Variants in FASN observed in about 807,000 individuals in gnomAD.
The protein encoded by FASN is 3-hydroxyacyl-[acyl-carrier-protein] dehydratase.
Under a neutral mutation model 250.0 loss-of-function variants are expected in FASN, and 50 were observed. That is an observed-to-expected ratio of 0.20 (90% CI 0.16 to 0.25). FASN has a LOEUF of 0.25. FASN is among the 10% of genes least tolerant of loss of function. The pLI is 1.00. For missense variants in FASN, 3,031 were observed against 3,498.5 expected, an observed-to-expected ratio of 0.87 and a Z score of 3.37; for synonymous variants, 1,909 against 1,584.0, an observed-to-expected ratio of 1.21 and a Z score of -4.87.
chr17:82,086,262 C>T lies in FASN; in HGVS notation c.3724G>A (p.Val1242Met). 8 of 1,567,548 alleles carry T rather than the reference C, an allele frequency of 5.1e-6. No homozygotes were observed. Among genetic ancestry groups the T allele is most frequent in the South Asian group, 1.2e-5 (1 of 86,744 alleles). The change falls in exon 22 of 43, where the codon GTG (valine) becomes ATG (methionine). Residue 1242 changes from valine (V) to methionine (M), a missense_variant. Val to Met is a conservative substitution (Grantham distance 21, BLOSUM62 1). Coordinates refer to ENST00000306749, the MANE Select transcript of FASN (RefSeq NM_004104.5). ...GCCCAGGAGGCACCCACCTCCACCA[C>T]CTTCATCTTCAGGCTGGGCATGTTC... The part of the protein sequence containing the change: ...VENMPSLKMK[V>M]VEVLAGHGHL...
chr17:82,092,341 G>T, intron 8 of FASN, 114 bp downstream of exon 8: 1 of 1,146,394 alleles, frequency 8.7e-7, no homozygotes, highest in Non-Finnish European at 1.3e-6. Context: ...GAGGCTCCTG[G>T]TGGGGAAGCC....
At position 82,082,903 on chromosome 17, in the gene FASN, T is replaced by G; in HGVS notation, c.5767+11A>C. ...GCCCAGGCTGGTCCACAAGCACCCC[T>G]GCCGACTCACCTGTCCGGATCCCGG... On this transcript the variant is annotated intron_variant, in intron 33 of 42. Transcript: ENST00000306749. 1 of 1,612,524 alleles carries G rather than the reference T, an allele frequency of 6.2e-7. No individual in the cohort carries two copies. Among genetic ancestry groups the G allele is most frequent in the Non-Finnish European group, 8.5e-7 (1 of 1,179,872 alleles).
Position 82,084,039 on chromosome 17 carries a change from G to A in FASN, c.5034C>T (p.Gly1678=), listed in dbSNP as rs371830816. 195 of 1,542,000 alleles carry A rather than the reference G, an allele frequency of 1.3e-4. No homozygotes were observed. In the African/African-American group the frequency reaches 2.1e-3, roughly 16 times the overall value. The part of the protein sequence containing the change: ...GETLLIHSGS[G]GVGQAAIAIA... ...TGGCGATGGCGGCCTGGCCCACGCC[G>A]CCCGAGCCCGAGTGGATGAGCAGCG... is the stretch of plus-strand genomic sequence containing the variant. Residue 1678 remains glycine, a synonymous_variant, in exon 29 of 43, where the codon GGC becomes GGT. Coordinates refer to ENST00000306749, the MANE Select transcript of FASN (RefSeq NM_004104.5).
At chr17:82,089,547 G>C in intron 12 of FASN, 85 bp downstream of exon 12, 1 of 1,542,790 alleles carries the variant, frequency 6.5e-7, no homozygotes, top group East Asian at 2.4e-5. Context: ...GCTTGGTGGG[G>C]CGTAGACCGT....
Position 82,079,070 on chromosome 17 carries a change from T to C in FASN, c.*73A>G. 3 of 1,409,884 alleles carry C rather than the reference T, an allele frequency of 2.1e-6. No homozygotes were observed. The highest frequency in any genetic ancestry group is 2.3e-5 in the Admixed American group (1 of 42,634). The allele number at this position is 1,409,884 out of a possible 1,614,324, so 87.3% of individuals were successfully genotyped here. ...CCACCGGCAGGACCCTTCAATCCCG[T>C]TGCATGGCGGGGGTGGGGTGGGGTG... On this transcript the variant is annotated 3_prime_UTR_variant, in exon 43 of 43. Transcript: ENST00000306749.
chr17:82,087,428 G>A lies in FASN; in HGVS notation c.3120C>T (p.Gly1040=), dbSNP rs377574202. ...MDTMLQMSIL[G]SAKHGLYLPT... ...GCAGGTACAGGCCGTGCTTGGCCGA[G>A]CCCAGGATGGACATCTGCAGCATGG... The change falls in exon 20 of 43, where the codon GGC becomes GGT. Residue 1040 remains glycine (G), a synonymous_variant. Coordinates refer to ENST00000306749, the MANE Select transcript of FASN (RefSeq NM_004104.5). The A allele has an allele frequency of 1.9e-5, 30 of 1,612,524 alleles. No homozygotes were observed. Among genetic ancestry groups the A allele is most frequent in the Non-Finnish European group, 2.5e-5 (29 of 1,179,996 alleles).
intron 20 of FASN, 25 bp downstream of exon 20, chr17:82,087,300 T>A (rs1230356453): frequency 6.3e-7 from 1 of 1,594,180 alleles, no homozygotes; most frequent in Non-Finnish European, 8.5e-7. Context: ...GTGGGGGCAC[T>A]GGGCTGGGGC....
chr17:82,093,139 C>T (rs2144807398), intron 5 of FASN, 80 bp downstream of exon 5: 3 of 1,544,050 alleles, frequency 1.9e-6, no homozygotes, highest in East Asian at 2.4e-5. Flanking sequence ...CTGGCAGGAT[C>T]CTGCTCAGCG....
chr17:82,088,091 G>A lies in FASN; in HGVS notation c.2785+25C>T, dbSNP rs200744307. ...CAGCACCCGCCCCCCAGCTACCCCCGCCTTGGTCCTGGGGTACCCCTCACC... is the reference window on the plus strand; with the variant it reads ...CAGCACCCGCCCCCCAGCTACCCCCACCTTGGTCCTGGGGTACCCCTCACC... On this transcript the variant is annotated intron_variant, in intron 17 of 42. Transcript: ENST00000306749. 7.3e-5 allele frequency: 118 copies of A among 1,612,682 alleles called. No homozygotes were observed. The African/African-American group carries it at 1.3e-3, about 18-fold the overall frequency.
In FASN at chr17:82,091,282, C is replaced by A; in HGVS notation, c.1432G>T (p.Gly478Cys). Residue 478 changes from glycine to cysteine, a missense_variant, in exon 9 of 43, where the codon GGT becomes TGT. Gly to Cys is a radical substitution (Grantham distance 159). Coordinates refer to ENST00000306749, the MANE Select transcript of FASN (RefSeq NM_004104.5). ...RGYAVLGGERGGPEVQQVPAG... is the reference protein window; with the variant it reads ...RGYAVLGGERCGPEVQQVPAG... The stretch of plus-strand genomic sequence containing the variant: ...GGCACCTGCTGCACCTCTGGGCCAC[C>A]GCGCTCACCACCCAGCACAGCGTAG... 1 of 1,607,660 alleles carries A rather than the reference C, an allele frequency of 6.2e-7. No homozygotes were observed.
chr17:82,090,376 C>A lies in FASN; in HGVS notation c.1869G>T (p.Val623=), dbSNP rs1022266336. ...TGGGGGCCCCTCCGGGAGACCTACCCACGGCTGCCATGGCGCCCGGCGGGA... is the reference window on the plus strand; with the variant it reads ...TGGGGGCCCCTCCGGGAGACCTACCAACGGCTGCCATGGCGCCCGGCGGGA... ...AHLPPGAMAA[V]GLSWEECKQR... Residue 623 remains valine (V), a splice_region_variant and synonymous_variant, in exon 11 of 43, where the codon GTG becomes GTT. Coordinates refer to ENST00000306749, the MANE Select transcript of FASN (RefSeq NM_004104.5). 1 of 1,584,062 alleles carries A rather than the reference C, an allele frequency of 6.3e-7. No homozygotes were observed. Among genetic ancestry groups the A allele is most frequent in the African/African-American group, 1.3e-5 (1 of 74,692 alleles).
rs914116700 is a variant in FASN at position 82,098,146 on chromosome 17, G to C, written c.-33C>G. ...CTGGTGAGGGCGCGGGCGGCGGTGC[G>C]GGCGGCGGAGAGCGAGGCTGGAGCG... On this transcript the variant is annotated 5_prime_UTR_variant, in exon 1 of 43. Coordinates refer to ENST00000306749, the MANE Select transcript of FASN (RefSeq NM_004104.5). 1.1e-5 allele frequency: 4 copies of C among 353,316 alleles called. No individual in the cohort carries two copies. Among genetic ancestry groups the C allele is most frequent in the African/African-American group, 2.1e-5 (1 of 46,782 alleles). 21.9% of individuals were successfully genotyped at this position (353,316 alleles called of 1,614,324 possible).
intron 28 of FASN, 38 bp from the exon 29 acceptor site, chr17:82,084,191 G>A (rs369186920): frequency 8.0e-5 from 129 of 1,608,084 alleles, no homozygotes; most frequent in African/African-American, 2.4e-4. Context: ...AGGCCTGGCC[G>A]CCATCCACGT....
rs1318138590 is a variant in FASN at position 82,083,908 on chromosome 17, G to A, written c.5099-17C>T. ...CAGCCGACCCTGGTGAAGAGAGGAA[G>A]CGCGGCTGGTGAGCCAGGGCGGCGG... On this transcript the variant is annotated splice_polypyrimidine_tract_variant and intron_variant, in intron 29 of 42. Coordinates refer to ENST00000306749, the MANE Select transcript of FASN (RefSeq NM_004104.5). 1 of 1,557,154 alleles carries A rather than the reference G, an allele frequency of 6.4e-7. No homozygotes were observed. The highest frequency in any genetic ancestry group is 2.4e-5 in the East Asian group (1 of 42,152).
rs2033980793 is a variant in FASN, at chr17:82,081,178, G to A, written c.6581C>T (p.Ala2194Val). ...LRKLQELSSK[A>V]DEASELACPT... ...CCCACACGCACCGCTGGCCTCATCC[G>A]CCTTTGAGGACAGCTCCTGCAGTTT... is the stretch of plus-strand genomic sequence containing the variant. Residue 2194 changes from alanine (A) to valine (V), a missense_variant, in exon 38 of 43, where the codon GCG (alanine) becomes GTG (valine). Coordinates refer to ENST00000306749, the MANE Select transcript of FASN (RefSeq NM_004104.5). The A allele has an allele frequency of 8.8e-6, 14 of 1,587,472 alleles. No individual in the cohort carries two copies. The highest frequency in any genetic ancestry group is 1.7e-4 in the Middle Eastern group (1 of 5,892).
rs1404273964 is a variant in FASN, at chr17:82,084,930, C to T, written c.4433G>A (p.Ser1478Asn). The change falls in exon 26 of 43, where the codon AGC (serine) becomes AAC (asparagine). Residue 1478 changes from serine (S) to asparagine (N), a missense_variant. Coordinates refer to ENST00000306749, the MANE Select transcript of FASN (RefSeq NM_004104.5). ...RLRCVLLSNL[S>N]STSHVPEVDP... is the part of the protein sequence containing the mutation. ...CACCTCCGGGACGTGGGAGGTGCTG[C>T]TGAGGTTGGAGAGCAGCACACACCT... 6.4e-7 allele frequency: 1 copy of T among 1,554,822 alleles called. No individual in the cohort carries two copies. The highest frequency in any genetic ancestry group is 1.9e-5 in the Admixed American group (1 of 51,340).
rs769124217 is a variant in FASN at position 82,085,387 on chromosome 17, G to A, written c.4138C>T (p.Leu1380Phe). The change falls in exon 24 of 43, where the codon CTC becomes TTC. Residue 1380 changes from leucine to phenylalanine, a missense_variant. Coordinates refer to ENST00000306749, the MANE Select transcript of FASN (RefSeq NM_004104.5). The part of the protein sequence containing the change: ...GILSQDAWES[L>F]FSRVSLRLVG... ...AGGCGCAGCGACACCCTGGAGAAGA[G>A]GCTCTCCCACGCGTCCTGTGGGGGC... 5.0e-5 allele frequency: 80 copies of A among 1,611,124 alleles called. No individual in the cohort carries two copies. The highest frequency in any genetic ancestry group is 6.2e-5 in the Non-Finnish European group (73 of 1,179,416).
chr17:82,083,147 A>G, intron 32 of FASN, 32 bp from the exon 33 acceptor site: 1 of 1,610,668 alleles, frequency 6.2e-7, no homozygotes. Flanking sequence ...CGGCTCAGGC[A>G]CTGCCTGGGG....
At position 82,081,001 on chromosome 17, in the gene FASN, G is replaced by A. The variant is rs903039353; in HGVS notation, c.6596-79C>T. 7 of 1,425,014 alleles carry A rather than the reference G, an allele frequency of 4.9e-6. No homozygotes were observed. The East Asian group carries it at 9.8e-5, about 20-fold the overall frequency. 88.3% of individuals were successfully genotyped at this position (1,425,014 alleles called of 1,614,324 possible). A position where few individuals can be genotyped will look rare whatever the true frequency, so the allele number is the denominator to read the frequency against. On this transcript the variant is annotated intron_variant, in intron 38 of 42. Coordinates refer to ENST00000306749, the MANE Select transcript of FASN (RefSeq NM_004104.5). ...CACGCAAGGACACACAGACACGCAC[G>A]CAGGTCCCCACGGTGCTACGTCAGG...
Sources: gnomAD v4.1 joint callset for allele counts on GRCh38, gnomAD v4.1.1 for gene constraint, MANE v1.5 for transcripts, NCBI Gene and HGNC (gene_info 2026-07-23, HGNC 2026-07-21) for gene names.